The following MRPL47 variants were observed in gnomAD, a reference collection of about 807,000 sequenced individuals.
MRPL47 encodes the protein large ribosomal subunit protein uL29m.
In MRPL47, 31 loss-of-function variants were observed where a neutral mutation model predicts 34.0. The ratio of observed to expected loss-of-function variants is 0.91; its 90% CI spans 0.68 to 1.23. The LOEUF (loss-of-function observed/expected upper bound fraction) is 1.23. MRPL47 is among the 50% of genes most tolerant of loss of function. The pLI is 0.00. For missense variants in MRPL47, 328 were observed against 285.8 expected (o/e 1.15, Z -1.07); for synonymous variants, 106 against 101.6 (o/e 1.04, Z -0.26).
intron 1 of MRPL47, 60 bp downstream of exon 1, chr3:179,604,467 G>C (rs1358977981): frequency 6.6e-7 from 1 of 1,511,962 alleles, no homozygotes; most frequent in Non-Finnish European, 9.1e-7. Flanking sequence ...TCGGCATCTC[G>C]GCAACCAAAC....
Position 179,602,729 on chromosome 3 carries a change from T to C in MRPL47, c.167A>G (p.His56Arg), listed in dbSNP as rs753130380. 3 of 1,612,650 alleles carry C rather than the reference T, an allele frequency of 1.9e-6. No individual in the cohort carries two copies. Among genetic ancestry groups the C allele is most frequent in the South Asian group, 2.2e-5 (2 of 90,856 alleles). Residue 56 changes from histidine to arginine, a missense_variant, in exon 2 of 7, where the codon CAT becomes CGT. Transcript: ENST00000476781. ...VTSFHQYRLL[H>R]TTLSRKGLEE... Reference sequence around the variant, plus strand: ...TAGTCCTTTCCTTGACAATGTGGTATGAAGTAATCTATATTGGTGAAAGGA... The same window carrying C: ...TAGTCCTTTCCTTGACAATGTGGTACGAAGTAATCTATATTGGTGAAAGGA...
rs375091834 is a variant in MRPL47, at chr3:179,588,988, G to A, written c.637C>T (p.Arg213Cys). Reference protein sequence around the residue: ...PYVDHFLRLEREKRARIKARK... With the variant: ...PYVDHFLRLECEKRARIKARK... The stretch of plus-strand genomic sequence containing the variant: ...GCTTTGATGCGGGCTCGTTTCTCAC[G>A]TTCCAGTCTAGAATAAAAAAAGCGT... The change falls in exon 7 of 7, where the codon CGT becomes TGT. Residue 213 changes from arginine to cysteine, a missense_variant. Coordinates refer to ENST00000476781, the MANE Select transcript of MRPL47 (RefSeq NM_020409.3). 3.7e-6 allele frequency: 6 copies of A among 1,605,198 alleles called. No homozygotes were observed. Among genetic ancestry groups the A allele is most frequent in the Non-Finnish European group, 4.2e-6 (5 of 1,177,340 alleles).
At chr3:179,594,649 A>T (rs1444474446) in intron 4 of MRPL47, among the ~76,000 whole-genome samples, 1 of 151,740 alleles carries the variant, frequency 6.6e-6, no homozygotes, top group South Asian at 2.1e-4. Context: ...CACCCGGCTA[A>T]TTTTTTGTAT....
Position 179,602,798 on chromosome 3 carries a change from C to A in MRPL47, c.99-1G>T. On this transcript the variant is annotated splice_acceptor_variant, in intron 1 of 6. Coordinates refer to ENST00000476781, the MANE Select transcript of MRPL47 (RefSeq NM_020409.3). LOFTEE classifies it high-confidence loss of function. ...CTTAGGCAACAAACTAAGAAAAAACCTGCAATTGAACACACATAAACAAGT... is the reference window on the plus strand; with the variant it reads ...CTTAGGCAACAAACTAAGAAAAAACATGCAATTGAACACACATAAACAAGT... The A allele has an allele frequency of 6.2e-7, 1 of 1,600,202 alleles. No homozygotes were observed. The highest frequency in any genetic ancestry group is 1.1e-5 in the South Asian group (1 of 87,034).
chr3:179,598,857 G>T, intron 3 of MRPL47, 86 bp from the exon 4 acceptor site: 1 of 968,078 alleles, frequency 1.0e-6, no homozygotes, highest in Non-Finnish European at 1.6e-6. Context: ...TTAATTATCT[G>T]TACTTGAAAG....
rs1718932088 is a variant in MRPL47 at position 179,601,770 on chromosome 3, G to A, written c.265C>T (p.Gln89Ter). The part of the protein sequence containing the change: ...VKSGAAWTCQ[Q>*]LRNKSNEDLH... ...TCTTCATTACTTTTGTTCCTTAGTT[G>A]CTGACAGGTCCATGCTGCTCCTATT... The change falls in exon 3 of 7, where the codon CAA becomes TAA. Residue 89 changes from glutamine (Q) to a stop codon, truncating the protein, a stop_gained. Coordinates refer to ENST00000476781, the MANE Select transcript of MRPL47 (RefSeq NM_020409.3). LOFTEE classifies it high-confidence loss of function. 1.9e-6 allele frequency: 3 copies of A among 1,609,024 alleles called. No individual in the cohort carries two copies. Among genetic ancestry groups the A allele is most frequent in the Non-Finnish European group, 8.5e-7 (1 of 1,176,118 alleles).
intron 6 of MRPL47, among the ~76,000 whole-genome samples, chr3:179,589,878 A>G (rs911768305): frequency 1.3e-5 from 2 of 152,222 alleles, no homozygotes; most frequent in Non-Finnish European, 2.9e-5. Flanking sequence ...CATTTACAAA[A>G]ACAAAGACCC....
Position 179,592,755 on chromosome 3 carries a change from A to G in MRPL47, c.534-16T>C, listed in dbSNP as rs1303689053. ...GAACTTGTGCCTGCCAATAAAGCAA[A>G]AAGTTATTTGCCTTAAAGAAAACAT... is the stretch of plus-strand genomic sequence containing the variant. On this transcript the variant is annotated splice_polypyrimidine_tract_variant and intron_variant, in intron 5 of 6. Coordinates refer to ENST00000476781, the MANE Select transcript of MRPL47 (RefSeq NM_020409.3). The G allele has an allele frequency of 1.3e-6, 2 of 1,547,396 alleles. No individual in the cohort carries two copies. Among genetic ancestry groups the G allele is most frequent in the East Asian group, 2.2e-5 (1 of 44,538 alleles).
intron 6 of MRPL47, among the ~76,000 whole-genome samples, chr3:179,589,984 A>T (rs1398223948): frequency 6.6e-6 from 1 of 152,238 alleles, no homozygotes; most frequent in East Asian, 1.9e-4. Context: ...AAACAAAATC[A>T]TTAGAATATG....
chr3:179,595,340 C>T (rs145232958), intron 4 of MRPL47, among the ~76,000 whole-genome samples: 1 of 152,318 alleles, frequency 6.6e-6, no homozygotes, highest in Non-Finnish European at 1.5e-5. Flanking sequence ...TGAGCCATTG[C>T]ACCTGGCCCA....
chr3:179,595,626 CA>C (rs1718773332), intron 4 of MRPL47, among the ~76,000 whole-genome samples: 1 of 152,174 alleles, frequency 6.6e-6, no homozygotes, highest in Non-Finnish European at 1.5e-5. Context: ...TTTGCCTAAG[CA>C]AGGGTAAGAC....
At chr3:179,600,244 A>G (rs768418084) in intron 3 of MRPL47, among the ~76,000 whole-genome samples, 4 of 152,208 alleles carry the variant, frequency 2.6e-5, no homozygotes, top group Non-Finnish European at 5.9e-5. Context: ...GCTTTAATAC[A>G]ACTTATTTTT....
chr3:179,604,388 T>G (rs1312981400), intron 1 of MRPL47, 139 bp downstream of exon 1: 3 of 725,830 alleles, frequency 4.1e-6, no homozygotes, highest in Non-Finnish European at 6.9e-6. Flanking sequence ...GGTCACTCAC[T>G]CCTCACCAAA....
At chr3:179,598,221 T>C (rs1018068721) in intron 4 of MRPL47, among the ~76,000 whole-genome samples, 1 of 151,946 alleles carries the variant, frequency 6.6e-6, no homozygotes, top group Non-Finnish European at 1.5e-5. Flanking sequence ...ACCACATTTA[T>C]ACCAAAGATA....
At chr3:179,590,100 G>A (rs142114758) in intron 6 of MRPL47, among the ~76,000 whole-genome samples, 14 of 152,226 alleles carry the variant, frequency 9.2e-5, no homozygotes, top group African/African-American at 3.4e-4. Flanking sequence ...CCCAACTTAG[G>A]GAGGCCGAGG....
At position 179,588,934 on chromosome 3, in the gene MRPL47, C is replaced by T; in HGVS notation, c.691G>A (p.Ala231Thr). The change falls in exon 7 of 7, where the codon GCA becomes ACA. Residue 231 changes from alanine (A) to threonine (T), a missense_variant. Ala to Thr is a moderately conservative substitution (Grantham distance 58). Transcript: ENST00000476781. ...GGAAACTTTTTTAAAAGAATTTTTG[C>T]TTTCTTTCTCTCTAAATTTTCCTTC... Reference protein sequence around the residue: ...ARKENLERKKAKILLKKFPHL... With the variant: ...ARKENLERKKTKILLKKFPHL... The T allele has an allele frequency of 1.2e-6, 2 of 1,613,350 alleles. No homozygotes were observed. The highest frequency in any genetic ancestry group is 1.7e-6 in the Non-Finnish European group (2 of 1,179,508).
intron 3 of MRPL47, among the ~76,000 whole-genome samples, chr3:179,599,181 A>G (rs970396653): frequency 2.0e-5 from 3 of 151,920 alleles, no homozygotes; most frequent in African/African-American, 7.3e-5. Context: ...AAAAAAAAAA[A>G]GACATATTAG....
intron 4 of MRPL47, among the ~76,000 whole-genome samples, chr3:179,597,960 C>G (rs1718826641): frequency 6.6e-6 from 1 of 152,128 alleles, no homozygotes; most frequent in African/African-American, 2.4e-5. Flanking sequence ...AAAAACTGAT[C>G]TAGTTACTAA....
chr3:179,592,056 C>T (rs1718685923), intron 6 of MRPL47, among the ~76,000 whole-genome samples: 1 of 152,212 alleles, frequency 6.6e-6, no homozygotes, highest in African/African-American at 2.4e-5. Context: ...TGTTCTCAAA[C>T]TCCTGACCTC....
Sources: gnomAD v4.1 joint callset for allele counts (sites outside exome capture counted in the v4.1 genomes callset) on GRCh38, gnomAD v4.1.1 for gene constraint, MANE v1.5 for transcripts, NCBI Gene and HGNC (gene_info 2026-07-23, HGNC 2026-07-21) for gene names.